Variants in FBN2 observed in about 807,000 individuals in gnomAD.
The protein encoded by FBN2 is fibrillin-2.
In FBN2, 105 loss-of-function variants were observed where a neutral mutation model predicts 355.6. That is an observed-to-expected ratio of 0.30 (90% CI 0.25 to 0.35). The LOEUF is 0.35. Ranked by LOEUF, FBN2 falls within the 10% of genes least tolerant of loss-of-function variation. The pLI, the probability that FBN2 is intolerant of heterozygous loss-of-function variation, is 1.00. For synonymous variants in FBN2, 1,350 were observed against 1,301.2 expected (o/e 1.04, Z -0.81); for missense variants, 3,280 against 3,758.7 (o/e 0.87, Z 3.33).
intron 5 of FBN2, among the ~76,000 whole-genome samples, chr5:128,494,055 T>A (rs1755585565): frequency 6.6e-6 from 1 of 152,130 alleles, no homozygotes. Context: ...GGTCTGTGAC[T>A]CAGTTTAAGC....
At chr5:128,393,074 G>C (rs985135994) in intron 10 of FBN2, 61 bp downstream of exon 10, 152 of 1,266,726 alleles carry the variant, frequency 1.2e-4, no homozygotes, top group Non-Finnish European at 1.6e-4. Context: ...AATTATGTTA[G>C]ATATTATAAT....
intron 7 of FBN2, among the ~76,000 whole-genome samples, chr5:128,412,029 G>A (rs1753082624): frequency 6.6e-6 from 1 of 152,164 alleles, no homozygotes; most frequent in Non-Finnish European, 1.5e-5. Flanking sequence ...AAAAAGCAGA[G>A]TCTTAACAAT....
At chr5:128,527,720 C>T (rs1756598605) in intron 4 of FBN2, 152 bp downstream of exon 4, 5 of 605,878 alleles carry the variant, frequency 8.3e-6, no homozygotes, top group Middle Eastern at 3.8e-4. Flanking sequence ...AAAATTCTTA[C>T]AGGATAAAAA....
chr5:128,407,383 T>TTAATAA (rs1263022714), intron 8 of FBN2, among the ~76,000 whole-genome samples: 1 of 152,132 alleles, frequency 6.6e-6, no homozygotes, highest in East Asian at 1.9e-4. Context: ...CCTCCTCCTC[T>TTAATAA]TAATAAGAAT....
intron 34 of FBN2, chr5:128,328,161 C>A (rs998411398): frequency 2.8e-5 from 5 of 178,654 alleles, no homozygotes; most frequent in South Asian, 1.3e-4. Context: ...GCACAAAGAC[C>A]CATTTCTAGG....
chr5:128,355,501 A>G (rs1049756713), intron 20 of FBN2, among the ~76,000 whole-genome samples: 4 of 152,210 alleles, frequency 2.6e-5, no homozygotes, highest in Non-Finnish European at 4.4e-5. Context: ...CATAGTATCC[A>G]ACTAATTCAT....
At chr5:128,434,672 C>T (rs1490770327) in intron 7 of FBN2, among the ~76,000 whole-genome samples, 1 of 151,526 alleles carries the variant, frequency 6.6e-6, no homozygotes, top group African/African-American at 2.4e-5. Flanking sequence ...TATAAAGATA[C>T]ATATGAATAT....
intron 9 of FBN2, among the ~76,000 whole-genome samples, chr5:128,393,770 A>G (rs1752580978): frequency 6.6e-6 from 1 of 152,206 alleles, no homozygotes; most frequent in African/African-American, 2.4e-5. Context: ...TTATACCTAT[A>G]CATTTTTCCT....
intron 1 of FBN2, 33 bp downstream of exon 1, chr5:128,537,317 G>T: frequency 2.5e-6 from 4 of 1,607,216 alleles, no homozygotes; most frequent in Non-Finnish European, 3.4e-6. Context: ...CCCCAAGCCG[G>T]AGCCCTAGGT....
intron 20 of FBN2, among the ~76,000 whole-genome samples, chr5:128,354,615 T>C (rs1013955570): frequency 1.9e-4 from 29 of 152,132 alleles, no homozygotes; most frequent in Admixed American, 1.4e-3. Flanking sequence ...GTTGGTGTGG[T>C]GATCGTGAGA....
Position 128,428,380 on chromosome 5 carries a change from A to C in FBN2, c.952+18101T>G, listed in dbSNP as rs180731892. The stretch of plus-strand genomic sequence containing the variant: ...AAGGCCCCTCCCCATTTGGCCCTGG[A>C]CTACATCTCTAAACCCATCTCTTAC... On this transcript the variant is annotated intron_variant, in intron 7 of 64. Coordinates refer to ENST00000262464, the MANE Select transcript of FBN2 (RefSeq NM_001999.4). Among the ~76,000 whole-genome samples, 95 of 152,242 alleles carry C rather than the reference A, an allele frequency of 6.2e-4. No individual in the cohort carries two copies. In the Middle Eastern group the frequency reaches 0.014, roughly 22 times the overall value.
chr5:128,519,262 T>C lies in FBN2; in HGVS notation c.628+11A>G, dbSNP rs754011069. On this transcript the variant is annotated intron_variant, in intron 5 of 64. Transcript: ENST00000262464. ...CTTCTTCAGAAAGTAAAGTCTCATT[T>C]CTCTTCTTACCTCTTTCACACTGTG... 4 of 1,594,736 alleles carry C rather than the reference T, an allele frequency of 2.5e-6. No individual in the cohort carries two copies. In the Admixed American group the frequency reaches 5.0e-5, roughly 20 times the overall value.
At chr5:128,377,664 G>T in intron 13 of FBN2, 88 bp downstream of exon 13, 1 of 1,380,880 alleles carries the variant, frequency 7.2e-7, no homozygotes, top group South Asian at 1.2e-5. Flanking sequence ...TACGTGGTGT[G>T]TGAGCTTTCA....
At chr5:128,331,478 T>TAGAG (rs1750690379) in intron 32 of FBN2, among the ~76,000 whole-genome samples, 1 of 152,076 alleles carries the variant, frequency 6.6e-6, no homozygotes, top group Non-Finnish European at 1.5e-5. Flanking sequence ...ACAATGAAGC[T>TAGAG]AGAGAGACAG....
intron 8 of FBN2, among the ~76,000 whole-genome samples, chr5:128,405,682 CG>C (rs1319198734): frequency 7.4e-4 from 113 of 152,218 alleles, no homozygotes; most frequent in African/African-American, 2.7e-3. Context: ...GGGAATAAAA[CG>C]CTGAAACTTG....
intron 7 of FBN2, among the ~76,000 whole-genome samples, chr5:128,427,092 A>T (rs1581283582): frequency 1.3e-5 from 2 of 152,254 alleles, no homozygotes; most frequent in Non-Finnish European, 2.9e-5. Context: ...ATATCTATCT[A>T]GCTGTCTAAC....
At chr5:128,372,786 T>C (rs1751975234) in intron 15 of FBN2, among the ~76,000 whole-genome samples, 1 of 152,000 alleles carries the variant, frequency 6.6e-6, no homozygotes, top group South Asian at 2.1e-4. Flanking sequence ...ACCACTACAC[T>C]TGGCTAATTT....
intron 55 of FBN2, among the ~76,000 whole-genome samples, chr5:128,283,222 T>C (rs148203014): frequency 3.3e-4 from 50 of 152,360 alleles, no homozygotes; most frequent in African/African-American, 1.2e-3. Flanking sequence ...AACTTTCATC[T>C]TAAAACAATA....
intron 4 of FBN2, among the ~76,000 whole-genome samples, chr5:128,526,144 C>A (rs977023931): frequency 6.6e-6 from 1 of 151,990 alleles, no homozygotes; most frequent in Non-Finnish European, 1.5e-5. Flanking sequence ...TTACCATAAT[C>A]ACCTTAACTA....
Sources: allele counts gnomAD v4.1 joint callset (sites outside exome capture counted in the v4.1 genomes callset), GRCh38; gene constraint gnomAD v4.1.1; transcripts MANE v1.5; gene names NCBI Gene and HGNC (gene_info 2026-07-23, HGNC 2026-07-21).